Variants in PRKN observed in about 807,000 individuals in gnomAD.
PRKN encodes the protein E3 ubiquitin-protein ligase parkin.
PRKN carries 56 observed loss-of-function variants against 59.5 expected under a neutral mutation model. The ratio of observed to expected loss-of-function variants is 0.94; its 90% CI spans 0.76 to 1.18. The LOEUF is 1.18. Ranked by LOEUF, PRKN falls within the 50% of genes most tolerant of loss-of-function variation. The probability of loss-of-function intolerance (pLI) is 0.00; values close to 1 mark genes in which losing one functional copy is unlikely to be tolerated. For synonymous variants in PRKN, 250 were observed against 222.1 expected, an observed-to-expected ratio of 1.13 and a Z score of -1.12; for missense variants, 657 against 596.4, an observed-to-expected ratio of 1.10 and a Z score of -1.06.
At chr6:161,817,602 G>C (rs1791843008) in intron 6 of PRKN, among the ~76,000 whole-genome samples, 1 of 152,116 alleles carries the variant, frequency 6.6e-6, no homozygotes, top group East Asian at 1.9e-4. Context: ...ATATTGCTCA[G>C]TCCTCCACTT....
chr6:161,679,741 CTTTTTTTTTTT>C (rs745812196), intron 7 of PRKN, among the ~76,000 whole-genome samples: 15 of 23,490 alleles, frequency 6.4e-4, no homozygotes, highest in South Asian at 4.0e-3. Context: ...TCAGAGCCAG[CTTTTTTTTTTT>C]TTTTTTTTTT....
At position 161,376,791 on chromosome 6, in the gene PRKN, T is replaced by C. The variant is rs1785724201; in HGVS notation, c.1167+10003A>G. Among the ~76,000 whole-genome samples the C allele has an allele frequency of 6.6e-6, 1 of 152,212 alleles. No homozygotes were observed. Among genetic ancestry groups the C allele is most frequent in the South Asian group, 2.1e-4 (1 of 4,830 alleles). On this transcript the variant is annotated intron_variant, in intron 10 of 11. Transcript: ENST00000366898. The surrounding 1 kb of genome is among the most constrained non-coding windows in gnomAD (Gnocchi z 7.3). ...CTCTGCCCAACCCTGCTTCCTTCTCTTCCTGAAGGTGCTGTTGAGAGCACC... is the reference window on the plus strand; with the variant it reads ...CTCTGCCCAACCCTGCTTCCTTCTCCTCCTGAAGGTGCTGTTGAGAGCACC...
rs554833498 is a variant in PRKN at position 161,720,289 on chromosome 6, A to G, written c.871+65483T>C. 3.3e-5 allele frequency among the ~76,000 whole-genome samples: 5 copies of G among 152,276 alleles called. No individual in the cohort carries two copies. In the South Asian group the frequency reaches 1.0e-3, roughly 32 times the overall value. ...GTATGACGTGAAGGTCTTCATGTGC[A>G]TTATCTCATAGCAGCCCTACCACAG... On this transcript the variant is annotated intron_variant, in intron 7 of 11. Coordinates refer to ENST00000366898, the MANE Select transcript of PRKN (RefSeq NM_004562.3).
rs560289951 is a variant in PRKN, at chr6:161,459,958, C to G, written c.1084-73081G>C. Among the ~76,000 whole-genome samples the G allele has an allele frequency of 6.6e-6, 1 of 151,920 alleles. No homozygotes were observed. Among genetic ancestry groups the G allele is most frequent in the Non-Finnish European group, 1.5e-5 (1 of 67,988 alleles). ...GTTGATATTTTGTAAAAAAAAAAAT[C>G]TATTTATCCATCAAATCACATATGC... On this transcript the variant is annotated intron_variant, in intron 9 of 11. Transcript: ENST00000366898. This position sits in a 1 kb window ranked among gnomAD's most constrained non-coding sequence, Gnocchi z 4.8.
rs1583390940 is a variant in PRKN at position 161,948,151 on chromosome 6, A to G, written c.734+25151T>C. On this transcript the variant is annotated intron_variant, in intron 6 of 11. Coordinates refer to ENST00000366898, the MANE Select transcript of PRKN (RefSeq NM_004562.3). ...CAGGCACGTGCCATCATGCCTGACT[A>G]ATTTCTGTATTTTTTAGTAGAGAGG... Among the ~76,000 whole-genome samples the G allele has an allele frequency of 2.0e-5, 3 of 151,722 alleles. No individual in the cohort carries two copies. In the South Asian group the frequency reaches 6.3e-4, roughly 32 times the overall value.
chr6:161,645,717 T>C (rs1783904177), intron 7 of PRKN, among the ~76,000 whole-genome samples: 1 of 152,232 alleles, frequency 6.6e-6, no homozygotes, highest in Non-Finnish European at 1.5e-5. Flanking sequence ...GAAATCACAA[T>C]AAAGTGTCCA....
intron 5 of PRKN, among the ~76,000 whole-genome samples, chr6:162,036,210 G>A (rs1783836822): frequency 2.0e-5 from 3 of 151,566 alleles, no homozygotes; most frequent in Admixed American, 6.6e-5. Flanking sequence ...TGTAGTCCCA[G>A]CTACTCGGGA....
intron 6 of PRKN, among the ~76,000 whole-genome samples, chr6:161,834,087 C>T (rs766963250): frequency 1.3e-5 from 2 of 151,922 alleles, no homozygotes; most frequent in Admixed American, 6.6e-5. Flanking sequence ...TAAGAGCAGC[C>T]GCTGGGATTC....
chr6:162,611,962 T>G lies in PRKN; in HGVS notation c.7+115700A>C, dbSNP rs550284208. Among the ~76,000 whole-genome samples the G allele has an allele frequency of 2.4e-3, 360 of 150,362 alleles. 4 individuals carry two copies. The highest frequency in any genetic ancestry group is 0.017 in the East Asian group (88 of 5,080). ...GCACTTTGGGAGGCCAAGGCGGGCG[T>G]ATCATAAGGTCAGGAGATCGAGACC... is the stretch of plus-strand genomic sequence containing the variant. On this transcript the variant is annotated intron_variant, in intron 1 of 11. Transcript: ENST00000366898.
intron 1 of PRKN, among the ~76,000 whole-genome samples, chr6:162,444,301 A>C (rs1790202712): frequency 6.6e-6 from 1 of 152,018 alleles, no homozygotes; most frequent in African/African-American, 2.4e-5. Context: ...CACCTCCAAA[A>C]GGCCCTACAT....
In PRKN at chr6:161,440,816, GTTCT is replaced by G. The variant is rs1337017432; in HGVS notation, c.1084-53943_1084-53940del. ...TAGAATGGCCCTGGGTTTTCTGAGG[GTTCT>G]TTATTTGTCTTCGAGAATATTAAAG... On this transcript the variant is annotated intron_variant, in intron 9 of 11. Coordinates refer to ENST00000366898, the MANE Select transcript of PRKN (RefSeq NM_004562.3). The surrounding 1 kb of genome is among the most constrained non-coding windows in gnomAD (Gnocchi z 4.1). 1.3e-5 allele frequency among the ~76,000 whole-genome samples: 2 copies of G among 152,064 alleles called. No homozygotes were observed. The highest frequency in any genetic ancestry group is 4.8e-5 in the African/African-American group (2 of 41,420).
rs111210763 is a variant in PRKN, at chr6:161,900,647, T to G, written c.734+72655A>C. On this transcript the variant is annotated intron_variant, in intron 6 of 11. Coordinates refer to ENST00000366898, the MANE Select transcript of PRKN (RefSeq NM_004562.3). Reference sequence around the variant, plus strand: ...ACTATAATATACTATATATTATATATTATATATAACATATATTATATATGT... The same window carrying G: ...ACTATAATATACTATATATTATATAGTATATATAACATATATTATATATGT... 6.9e-3 allele frequency among the ~76,000 whole-genome samples: 921 copies of G among 133,216 alleles called. 3 individuals carry two copies. The highest frequency in any genetic ancestry group is 0.025 in the Middle Eastern group (7 of 276). The allele number at this position is 133,216 out of a possible 152,430, so 87.4% of individuals were successfully genotyped here. A position where few individuals can be genotyped will look rare whatever the true frequency, so the allele number is the denominator to read the frequency against.
At chr6:161,653,486 T>C (rs530252943) in intron 7 of PRKN, among the ~76,000 whole-genome samples, 1 of 152,276 alleles carries the variant, frequency 6.6e-6, no homozygotes, top group South Asian at 2.1e-4. Flanking sequence ...CCATCATCAG[T>C]ATTAGCCTCT....
chr6:162,238,369 CTA>C (rs1359461783), intron 3 of PRKN, among the ~76,000 whole-genome samples: 1 of 152,064 alleles, frequency 6.6e-6, no homozygotes, highest in Non-Finnish European at 1.5e-5. Context: ...TAAGTATACT[CTA>C]TGTTGTTTGC....
chr6:162,605,364 AAG>A (rs1186825874), intron 1 of PRKN, among the ~76,000 whole-genome samples: 2 of 152,180 alleles, frequency 1.3e-5, no homozygotes, highest in South Asian at 4.1e-4. Context: ...TTACTTGCCT[AAG>A]AGTTATTTTA....
chr6:161,532,156 CTCTCTCTCTCTA>C (rs1779238744), intron 9 of PRKN, among the ~76,000 whole-genome samples: 4 of 56,350 alleles, frequency 7.1e-5, no homozygotes, highest in African/African-American at 3.0e-4. Flanking sequence ...CTCTCTCTCT[CTCTCTCTCTCTA>C]TATATATATA....
intron 7 of PRKN, among the ~76,000 whole-genome samples, chr6:161,610,753 G>C (rs1230455976): frequency 6.6e-6 from 1 of 152,112 alleles, no homozygotes; most frequent in Non-Finnish European, 1.5e-5. Flanking sequence ...GCTGTGCACA[G>C]TGCCCAGGAA....
chr6:162,021,558 C>A (rs909613657), intron 5 of PRKN, among the ~76,000 whole-genome samples: 2 of 151,042 alleles, frequency 1.3e-5, no homozygotes, highest in Non-Finnish European at 2.9e-5. Context: ...ACTAAAATAT[C>A]CCCACATGCT....
At chr6:162,668,221 A>G (rs923364711) in intron 1 of PRKN, among the ~76,000 whole-genome samples, 6 of 152,248 alleles carry the variant, frequency 3.9e-5, no homozygotes, top group Non-Finnish European at 8.8e-5. Flanking sequence ...GAAAATGAAA[A>G]GCTCATAATT....
Sources: allele counts gnomAD v4.1 joint callset (sites outside exome capture counted in the v4.1 genomes callset), GRCh38; gene constraint gnomAD v4.1.1; non-coding constraint Gnocchi (gnomAD v3.1); transcripts MANE v1.5; gene names NCBI Gene and HGNC (gene_info 2026-07-23, HGNC 2026-07-21).